Variants in NCKAP5 observed in about 807,000 individuals in gnomAD.
NCKAP5 encodes nck-associated protein 5.
A neutral mutation model predicts 167.0 loss-of-function variants in NCKAP5; 92 were observed. That is an observed-to-expected ratio of 0.55 (90% CI 0.47 to 0.66). The LOEUF (loss-of-function observed/expected upper bound fraction) is 0.66, where lower values mean the gene tolerates loss of function less well. Ranked by LOEUF, NCKAP5 falls within the 30% of genes least tolerant of loss-of-function variation. The pLI, the probability that NCKAP5 is intolerant of heterozygous loss-of-function variation, is 0.00. For missense variants in NCKAP5, 2,378 were observed against 2,315.0 expected (o/e 1.03, Z -0.56); for synonymous variants, 891 against 877.4 (o/e 1.02, Z -0.27).
intron 16 of NCKAP5, among the ~76,000 whole-genome samples, chr2:132,747,762 G>A (rs750382432): frequency 6.6e-6 from 1 of 152,148 alleles, no homozygotes; most frequent in Non-Finnish European, 1.5e-5. Flanking sequence ...TGCTTCACTT[G>A]TATTATGTCA....
At position 133,026,680 on chromosome 2, in the gene NCKAP5, T is replaced by C. The variant is rs193145806; in HGVS notation, c.342-32441A>G. Among the ~76,000 whole-genome samples, 65 of 152,296 alleles carry C rather than the reference T, an allele frequency of 4.3e-4. 2 individuals are homozygous for C. The East Asian group carries it at 0.01, about 24-fold the overall frequency. ...GCTTGGATCAGAGACTGAACTGTTTTTGAGAAAGTCTGTGCGCTGAAGCCT... is the reference window on the plus strand; with the variant it reads ...GCTTGGATCAGAGACTGAACTGTTTCTGAGAAAGTCTGTGCGCTGAAGCCT... On this transcript the variant is annotated intron_variant, in intron 6 of 19. Coordinates refer to ENST00000409261, the MANE Select transcript of NCKAP5 (RefSeq NM_207363.3).
intron 16 of NCKAP5, among the ~76,000 whole-genome samples, chr2:132,770,363 T>G (rs1272464476): frequency 6.7e-6 from 1 of 148,262 alleles, no homozygotes; most frequent in Non-Finnish European, 1.5e-5. Context: ...ACAACATATA[T>G]TATATATTGT....
intron 4 of NCKAP5, among the ~76,000 whole-genome samples, chr2:133,290,849 A>C (rs1242509949): frequency 6.7e-6 from 1 of 148,876 alleles, no homozygotes; most frequent in Non-Finnish European, 1.5e-5. Context: ...AGAGTCCTGG[A>C]CTCAAACCAT....
At chr2:132,773,712 A>G in intron 16 of NCKAP5, 104 bp downstream of exon 16, 1 of 889,130 alleles carries the variant, frequency 1.1e-6, no homozygotes. Context: ...GTTAACACTC[A>G]GTCTTGATAG....
At position 132,707,548 on chromosome 2, in the gene NCKAP5, C is replaced by T. The variant is rs144803144; in HGVS notation, c.5713+18079G>A. Among the ~76,000 whole-genome samples the T allele has an allele frequency of 6.4e-3, 967 of 152,258 alleles. 13 individuals are homozygous for T. The highest frequency in any genetic ancestry group is 0.022 in the African/African-American group (900 of 41,550). On this transcript the variant is annotated intron_variant, in intron 19 of 19. Transcript: ENST00000409261. ...GCTGGGGTGGCCAATGGAGTGCGTA[C>T]ATCACCCTCCCCCAACCCCAGGACC...
At chr2:133,417,167 T>A (rs912177643) in intron 3 of NCKAP5, among the ~76,000 whole-genome samples, 5 of 151,958 alleles carry the variant, frequency 3.3e-5, no homozygotes, top group Non-Finnish European at 5.9e-5. Flanking sequence ...TTCTTTCTTT[T>A]AAGGACCACA....
chr2:133,252,882 A>G (rs956800852), intron 4 of NCKAP5, among the ~76,000 whole-genome samples: 2 of 152,220 alleles, frequency 1.3e-5, no homozygotes, highest in Non-Finnish European at 2.9e-5. Flanking sequence ...TGAAGCAGCC[A>G]TTTACAAAAG....
At chr2:132,963,186 T>C (rs368055275) in intron 8 of NCKAP5, among the ~76,000 whole-genome samples, 194 of 152,308 alleles carry the variant, frequency 1.3e-3, no homozygotes, top group African/African-American at 4.0e-3. Context: ...TCTGGAGGTC[T>C]CTGGAGGATG....
intron 6 of NCKAP5, among the ~76,000 whole-genome samples, chr2:133,002,531 CTA>C (rs2077821164): frequency 6.6e-6 from 1 of 152,176 alleles, no homozygotes; most frequent in Non-Finnish European, 1.5e-5. Context: ...AAAGGGGAAA[CTA>C]TTGTGCATTA....
At chr2:133,326,080 T>C (rs1682418067) in intron 3 of NCKAP5, among the ~76,000 whole-genome samples, 1 of 152,226 alleles carries the variant, frequency 6.6e-6, no homozygotes, top group African/African-American at 2.4e-5. Context: ...CTTTAATTTG[T>C]TCTGGACAGT....
chr2:132,766,693 G>A (rs1392968639), intron 16 of NCKAP5, among the ~76,000 whole-genome samples: 1 of 152,188 alleles, frequency 6.6e-6, no homozygotes, highest in Non-Finnish European at 1.5e-5. Flanking sequence ...TGAAGCACTT[G>A]ATTCAAGAGC....
chr2:133,462,192 C>A (rs372452629), intron 3 of NCKAP5, among the ~76,000 whole-genome samples: 1 of 152,180 alleles, frequency 6.6e-6, no homozygotes, highest in Non-Finnish European at 1.5e-5. Context: ...CCAGGCAGTA[C>A]AGTCAATTCC....
chr2:133,263,297 A>C (rs1409381896), intron 4 of NCKAP5, among the ~76,000 whole-genome samples: 2 of 152,008 alleles, frequency 1.3e-5, no homozygotes, highest in African/African-American at 4.8e-5. Flanking sequence ...AAAAAAAAAA[A>C]AACTCTACAT....
intron 3 of NCKAP5, among the ~76,000 whole-genome samples, chr2:133,412,936 G>A (rs1233109905): frequency 1.3e-5 from 2 of 152,172 alleles, no homozygotes; most frequent in African/African-American, 2.4e-5. Context: ...TACTACAATG[G>A]TTTACCTTCT....
the NCKAP5 span, among the ~76,000 whole-genome samples, chr2:133,647,648 AGAGAGAGAGG>A: frequency 1.4e-5 from 2 of 141,660 alleles, no homozygotes; most frequent in Non-Finnish European, 3.1e-5. Flanking sequence ...GAAGAAAGGG[AGAGAGAGAGG>A]GAGAGAGAGA....
Position 132,856,361 on chromosome 2 carries a change from T to C in NCKAP5, c.807+4131A>G, listed in dbSNP as rs144422716. ...GAAAAAAAAAGCGGAACAAGTAGAATGTAAAAGCCCTCTCATCTTACTGGA... is the reference window on the plus strand; with the variant it reads ...GAAAAAAAAAGCGGAACAAGTAGAACGTAAAAGCCCTCTCATCTTACTGGA... On this transcript the variant is annotated intron_variant, in intron 11 of 19. Transcript: ENST00000409261. Among the ~76,000 whole-genome samples the C allele has an allele frequency of 7.3e-5, 11 of 151,402 alleles. No individual in the cohort carries two copies. The South Asian group carries it at 1.7e-3, about 23-fold the overall frequency.
chr2:132,690,940 A>G (rs1304461776), intron 19 of NCKAP5, among the ~76,000 whole-genome samples: 1 of 152,032 alleles, frequency 6.6e-6, no homozygotes, highest in African/African-American at 2.4e-5. Flanking sequence ...TCACTCTGCC[A>G]TTTCCCTCCA....
At chr2:132,732,202 A>T (rs1025279718) in intron 16 of NCKAP5, among the ~76,000 whole-genome samples, 151 bp from the exon 17 acceptor site, 1 of 150,520 alleles carries the variant, frequency 6.6e-6, no homozygotes, top group Admixed American at 6.7e-5. Flanking sequence ...ACAGAAAACC[A>T]AACACCGCTT....
chr2:132,817,002 C>G (rs887126282), intron 11 of NCKAP5, among the ~76,000 whole-genome samples: 1 of 152,150 alleles, frequency 6.6e-6, no homozygotes, highest in Non-Finnish European at 1.5e-5. Context: ...ATAATTACAA[C>G]TGTTATTATA....
Sources: allele counts gnomAD v4.1 joint callset (sites outside exome capture counted in the v4.1 genomes callset), GRCh38; gene constraint gnomAD v4.1.1; transcripts MANE v1.5; gene names NCBI Gene and HGNC (gene_info 2026-07-23, HGNC 2026-07-21).